ABHD2: variants seen among roughly 807,000 people sequenced by gnomAD.
ABHD2 encodes monoacylglycerol lipase ABHD2.
In ABHD2, 20 loss-of-function variants were observed where a neutral mutation model predicts 48.1. The observed-to-expected ratio is 0.42, with a 90% CI of 0.29 to 0.60. The LOEUF is 0.60. Ranked by LOEUF, ABHD2 falls within the 20% of genes least tolerant of loss-of-function variation. The probability of loss-of-function intolerance (pLI) is 0.24; values close to 1 mark genes in which losing one functional copy is unlikely to be tolerated. For missense variants in ABHD2, 405 were observed against 550.9 expected (o/e 0.74, Z 2.65); for synonymous variants, 209 against 214.2 (o/e 0.98, Z 0.21).
intron 1 of ABHD2, among the ~76,000 whole-genome samples, chr15:89,089,729 C>CG (rs200048718): frequency 0.014 from 2,090 of 152,308 alleles, 22 homozygotes; most frequent in South Asian, 0.035. Context: ...AAGAGAAATC[C>CG]TTCACTACCC....
chr15:89,071,468 G>C, the ABHD2 span, among the ~76,000 whole-genome samples: 1 of 152,134 alleles, frequency 6.6e-6, no homozygotes, highest in African/African-American at 2.4e-5. Flanking sequence ...TTACATACAG[G>C]GGAGAGTCTC....
intron 4 of ABHD2, among the ~76,000 whole-genome samples, chr15:89,152,575 C>A (rs1458905696): frequency 1.3e-5 from 2 of 152,274 alleles, no homozygotes; most frequent in African/African-American, 2.4e-5. Context: ...TATTTACTAT[C>A]CCTACTTTAC....
chr15:89,058,127 C>A, the ABHD2 span, among the ~76,000 whole-genome samples: 1 of 152,186 alleles, frequency 6.6e-6, no homozygotes, highest in South Asian at 2.1e-4. Flanking sequence ...GAGGTAGATA[C>A]CTTCATAACC....
chr15:89,143,691 A>G, intron 3 of ABHD2, among the ~76,000 whole-genome samples: 1 of 150,744 alleles, frequency 6.6e-6, no homozygotes, highest in South Asian at 2.1e-4. Flanking sequence ...CTCAAAACAA[A>G]AAAAAAAAAA....
intron 5 of ABHD2, among the ~76,000 whole-genome samples, chr15:89,157,594 A>G (rs1350069942): frequency 6.6e-6 from 1 of 152,240 alleles, no homozygotes; most frequent in African/African-American, 2.4e-5. Flanking sequence ...CTGTAATCCC[A>G]GCACTTTGGG....
At chr15:89,084,351 G>A (rs1316410654), upstream of ABHD2, among the ~76,000 whole-genome samples, 1 of 152,134 alleles carries the variant, frequency 6.6e-6, no homozygotes. The surrounding 1 kb of genome is among the most constrained non-coding windows in gnomAD (Gnocchi z 4.4). Flanking sequence ...CCAGGCTGGA[G>A]TGCAGTGGTA....
At chr15:89,053,465 C>G in the ABHD2 span, among the ~76,000 whole-genome samples, 1 of 152,216 alleles carries the variant, frequency 6.6e-6, no homozygotes, top group Non-Finnish European at 1.5e-5. Flanking sequence ...CAAAGGCAGC[C>G]AACTGCTGAC....
In ABHD2 at chr15:89,184,576, T is replaced by C. The variant is rs937234054; in HGVS notation, c.723-848T>C. ...GCTGGGCAGGCATGGCTGGTGGGAG[T>C]GAGCCCACTGGTGTTTGTTCACCTG... On this transcript the variant is annotated intron_variant, in intron 6 of 10. Transcript: ENST00000352732. The surrounding 1 kb of genome is among the most constrained non-coding windows in gnomAD (Gnocchi z 5.1). 2.6e-5 allele frequency among the ~76,000 whole-genome samples: 4 copies of C among 151,928 alleles called. No homozygotes were observed. The highest frequency in any genetic ancestry group is 5.9e-5 in the Non-Finnish European group (4 of 67,952).
chr15:89,148,118 CAAAAAAAAAAAA>C (rs10711138), intron 3 of ABHD2, among the ~76,000 whole-genome samples: 1 of 69,578 alleles, frequency 1.4e-5, no homozygotes, highest in African/African-American at 5.3e-5. Flanking sequence ...GACTCCGTCT[CAAAAAAAAAAAA>C]AAAAAAAAAA....
In ABHD2 at chr15:89,151,444, T is replaced by C. The variant is rs912896405; in HGVS notation, c.195-233T>C. The stretch of plus-strand genomic sequence containing the variant: ...CAGTTACCCTAAATTGAAATCCTCT[T>C]TATATATATGTCCTGGTTGATTTCT... On this transcript the variant is annotated intron_variant, in intron 3 of 10. Coordinates refer to ENST00000352732, the MANE Select transcript of ABHD2 (RefSeq NM_152924.5). The surrounding 1 kb of genome is among the most constrained non-coding windows in gnomAD (Gnocchi z 4.7). 6.6e-6 allele frequency among the ~76,000 whole-genome samples: 1 copy of C among 152,330 alleles called. No homozygotes were observed. The highest frequency in any genetic ancestry group is 2.4e-5 in the African/African-American group (1 of 41,574).
At chr15:89,160,095 T>G (rs1351455619) in intron 5 of ABHD2, among the ~76,000 whole-genome samples, 1 of 152,242 alleles carries the variant, frequency 6.6e-6, no homozygotes, top group Non-Finnish European at 1.5e-5. Context: ...TAGTGTTTCG[T>G]TAGGTGCTAT....
chr15:89,134,804 C>T (rs138440221), intron 3 of ABHD2, among the ~76,000 whole-genome samples: 208 of 152,212 alleles, frequency 1.4e-3, no homozygotes, highest in Middle Eastern at 6.8e-3. Flanking sequence ...TTTCTTATCT[C>T]CTTTTCTTGA....
At chr15:89,130,842 G>A (rs904316576) in intron 3 of ABHD2, among the ~76,000 whole-genome samples, 2 of 152,142 alleles carry the variant, frequency 1.3e-5, no homozygotes, top group African/African-American at 4.8e-5. Flanking sequence ...AAGTGGCCCA[G>A]GGAAGCCAAA....
intron 7 of ABHD2, among the ~76,000 whole-genome samples, chr15:89,187,605 T>A (rs1430060166): frequency 6.6e-6 from 1 of 152,128 alleles, no homozygotes; most frequent in Non-Finnish European, 1.5e-5. Context: ...TCCAGATGGA[T>A]TTTTTCTTAA....
rs570670757 is a variant in ABHD2, at chr15:89,121,906, G to A, written c.194+5385G>A. On this transcript the variant is annotated intron_variant, in intron 3 of 10. Coordinates refer to ENST00000352732, the MANE Select transcript of ABHD2 (RefSeq NM_152924.5). The stretch of plus-strand genomic sequence containing the variant: ...TGCAGTAGTGCAATCGTAACTCACC[G>A]TAACCTCAAACTCCTGAGCTCAAGC... 1.7e-3 allele frequency among the ~76,000 whole-genome samples: 256 copies of A among 152,256 alleles called. 4 individuals carry two copies. Among genetic ancestry groups the A allele is most frequent in the African/African-American group, 5.7e-3 (238 of 41,538 alleles).
intron 3 of ABHD2, among the ~76,000 whole-genome samples, chr15:89,129,048 A>G (rs77972530): frequency 0.032 from 4,898 of 152,232 alleles, 112 homozygotes; most frequent in Non-Finnish European, 0.045. Context: ...GAAATAGGGA[A>G]GTCTAATGGG....
rs533198699 is a variant in ABHD2 at position 89,150,258 on chromosome 15, T to G, written c.195-1419T>G. Reference sequence around the variant, plus strand: ...AGGAGTGATCAAAAGCTTAATTTCTTGGATAGTCCTCTTCCTCTATGCAAA... The same window carrying G: ...AGGAGTGATCAAAAGCTTAATTTCTGGGATAGTCCTCTTCCTCTATGCAAA... On this transcript the variant is annotated intron_variant, in intron 3 of 10. Transcript: ENST00000352732. Among the ~76,000 whole-genome samples, 6 of 152,356 alleles carry G rather than the reference T, an allele frequency of 3.9e-5. No individual in the cohort carries two copies. In the East Asian group the frequency reaches 1.2e-3, roughly 29 times the overall value.
chr15:89,143,740 G>C (rs563269956), intron 3 of ABHD2, among the ~76,000 whole-genome samples: 188 of 151,932 alleles, frequency 1.2e-3, no homozygotes, highest in Non-Finnish European at 2.5e-3. Flanking sequence ...AATAGAGATA[G>C]AGTAGAAGGA....
the ABHD2 span, among the ~76,000 whole-genome samples, chr15:89,056,094 C>G: frequency 1.3e-5 from 2 of 152,256 alleles, no homozygotes; most frequent in African/African-American, 4.8e-5. Flanking sequence ...CTCAAGCAAT[C>G]CTCTGACCAC....
Sources: allele counts gnomAD v4.1 joint callset (sites outside exome capture counted in the v4.1 genomes callset), GRCh38; gene constraint gnomAD v4.1.1; non-coding constraint Gnocchi (gnomAD v3.1); transcripts MANE v1.5; gene names NCBI Gene and HGNC (gene_info 2026-07-23, HGNC 2026-07-21).